The following RILPL1 variants were observed in gnomAD, a reference collection of about 807,000 sequenced individuals.
The protein encoded by RILPL1 is RILP-like protein 1.
A neutral mutation model predicts 50.3 loss-of-function variants in RILPL1; 33 were observed. The observed-to-expected ratio is 0.66, with a 90% CI of 0.50 to 0.88. The LOEUF (loss-of-function observed/expected upper bound fraction) is 0.88. Ranked by LOEUF, RILPL1 falls within the 40% of genes least tolerant of loss-of-function variation. The pLI is 0.00. For synonymous variants in RILPL1, 205 were observed against 228.6 expected (o/e 0.90, Z 0.93); for missense variants, 418 against 542.5 (o/e 0.77, Z 2.28).
chr12:123,490,291 G>A, intron 4 of RILPL1, among the ~76,000 whole-genome samples: 1 of 152,096 alleles, frequency 6.6e-6, no homozygotes, highest in East Asian at 1.9e-4. Context: ...TCTGGGCAAA[G>A]CCACCCGCCC....
At chr12:123,529,121 A>T (rs977975892) in intron 1 of RILPL1, among the ~76,000 whole-genome samples, 2 of 152,050 alleles carry the variant, frequency 1.3e-5, no homozygotes, top group Non-Finnish European at 2.9e-5. Flanking sequence ...TTCTGCCTAG[A>T]ATGCCTCTCC....
intron 2 of RILPL1, among the ~76,000 whole-genome samples, chr12:123,500,261 T>C (rs1245748099): frequency 6.9e-6 from 1 of 145,042 alleles, no homozygotes; most frequent in Non-Finnish European, 1.5e-5. Context: ...CTTTTTACAG[T>C]TCCTATGTGT....
intron 4 of RILPL1, among the ~76,000 whole-genome samples, chr12:123,487,857 G>C (rs369525665): frequency 6.6e-6 from 1 of 152,126 alleles, no homozygotes; most frequent in Non-Finnish European, 1.5e-5. Context: ...CGTTTCCCAC[G>C]GCAGCTGCTC....
intron 6 of RILPL1, among the ~76,000 whole-genome samples, chr12:123,477,759 C>T (rs1881693986): frequency 6.6e-6 from 1 of 152,120 alleles, no homozygotes; most frequent in South Asian, 2.1e-4. Context: ...TCCAGGGGCT[C>T]CAAGCAACAC....
chr12:123,490,864 C>T (rs995386046), intron 4 of RILPL1, among the ~76,000 whole-genome samples: 2 of 152,012 alleles, frequency 1.3e-5, no homozygotes, highest in Non-Finnish European at 2.9e-5. Flanking sequence ...GATTCTCCTG[C>T]CTCAGCCTCT....
chr12:123,507,953 G>GA (rs56309765), intron 2 of RILPL1, among the ~76,000 whole-genome samples: 3 of 115,006 alleles, frequency 2.6e-5, no homozygotes, highest in Admixed American at 9.7e-5. Context: ...AAAAAAAAAA[G>GA]AAAAAAAAAA....
chr12:123,488,531 C>T (rs1447435396), intron 4 of RILPL1, among the ~76,000 whole-genome samples: 1 of 152,100 alleles, frequency 6.6e-6, no homozygotes, highest in Non-Finnish European at 1.5e-5. Flanking sequence ...TGAATGTGCC[C>T]TGGACAGGAG....
At chr12:123,504,588 GA>G (rs1257333321) in intron 2 of RILPL1, among the ~76,000 whole-genome samples, 2 of 152,082 alleles carry the variant, frequency 1.3e-5, no homozygotes, top group African/African-American at 4.8e-5. Context: ...CAGTGAACGG[GA>G]ACTGGTTCTT....
intron 6 of RILPL1, among the ~76,000 whole-genome samples, chr12:123,483,091 C>A (rs968213579): frequency 1.6e-4 from 24 of 152,228 alleles, no homozygotes; most frequent in African/African-American, 5.1e-4. Context: ...AACCCACACG[C>A]CCTGTTTTCA....
intron 1 of RILPL1, among the ~76,000 whole-genome samples, chr12:123,528,552 G>C (rs61953541): frequency 0.17 from 26,146 of 150,748 alleles, 2,412 homozygotes; most frequent in Middle Eastern, 0.24. Context: ...CTCAGCCTCC[G>C]AAGTAGCTGG....
At chr12:123,486,101 G>A (rs897770146) in intron 4 of RILPL1, among the ~76,000 whole-genome samples, 22 of 152,158 alleles carry the variant, frequency 1.4e-4, no homozygotes, top group African/African-American at 4.8e-4. Flanking sequence ...CCAGGGAGGA[G>A]CTGTCACACC....
chr12:123,489,058 A>T lies in RILPL1; in HGVS notation c.802-3253T>A, dbSNP rs900998110. ...AACAGGTGACGGATATGCGGCCGGC[A>T]TTCAATCGCGCCAGTTCTCCTCTTT... On this transcript the variant is annotated intron_variant, in intron 4 of 6. Coordinates refer to ENST00000376874, the MANE Select transcript of RILPL1 (RefSeq NM_178314.5). This position sits in a 1 kb window ranked among gnomAD's most constrained non-coding sequence, Gnocchi z 4.0. Among the ~76,000 whole-genome samples, 2 of 152,116 alleles carry T rather than the reference A, an allele frequency of 1.3e-5. No individual in the cohort carries two copies. Among genetic ancestry groups the T allele is most frequent in the Non-Finnish European group, 2.9e-5 (2 of 68,006 alleles).
At chr12:123,472,771 A>G in intron 6 of RILPL1, 89 bp from the exon 7 acceptor site, 1 of 1,408,632 alleles carries the variant, frequency 7.1e-7, no homozygotes, top group East Asian at 2.5e-5. Context: ...ATATAGCAGC[A>G]AACTTAGAAG....
chr12:123,477,987 CTTTTTTTTTTTTT>C (rs56296800), intron 6 of RILPL1, among the ~76,000 whole-genome samples: 1 of 41,142 alleles, frequency 2.4e-5, no homozygotes, highest in Admixed American at 4.0e-4. Flanking sequence ...ATCTGTATGT[CTTTTTTTTTTTTT>C]TTTTTTTTTT....
rs1380535254 is a variant in RILPL1 at position 123,491,900 on chromosome 12, G to A, written c.802-6095C>T. 2.6e-5 allele frequency among the ~76,000 whole-genome samples: 4 copies of A among 152,096 alleles called. No homozygotes were observed. Among genetic ancestry groups the A allele is most frequent in the Admixed American group, 1.3e-4 (2 of 15,262 alleles). Reference sequence around the variant, plus strand: ...CGCACACCTGTAATCCCAGCTACTCGGGAGGCTGAGGCACAAGAATTGCTT... The same window carrying A: ...CGCACACCTGTAATCCCAGCTACTCAGGAGGCTGAGGCACAAGAATTGCTT... On this transcript the variant is annotated intron_variant, in intron 4 of 6. Coordinates refer to ENST00000376874, the MANE Select transcript of RILPL1 (RefSeq NM_178314.5). This position sits in a 1 kb window ranked among gnomAD's most constrained non-coding sequence, Gnocchi z 4.0.
At chr12:123,480,370 G>A (rs1011618027) in intron 6 of RILPL1, among the ~76,000 whole-genome samples, 19 of 151,756 alleles carry the variant, frequency 1.3e-4, no homozygotes, top group Non-Finnish European at 2.8e-4. Context: ...CACCATGTAG[G>A]CCACACTGGT....
intron 4 of RILPL1, among the ~76,000 whole-genome samples, chr12:123,488,326 A>G (rs527431694): frequency 3.0e-5 from 4 of 133,332 alleles, no homozygotes; most frequent in Non-Finnish European, 4.7e-5. Flanking sequence ...CTGTAGTCCC[A>G]GTTACATAGG....
At chr12:123,499,302 C>G (rs1374685333) in intron 3 of RILPL1, 116 bp downstream of exon 3, 2 of 706,040 alleles carry the variant, frequency 2.8e-6, no homozygotes, top group Non-Finnish European at 5.0e-6. Context: ...CCACACCCCA[C>G]GGAGCCCCAA....
intron 1 of RILPL1, among the ~76,000 whole-genome samples, chr12:123,530,386 G>C (rs972938904): frequency 6.6e-6 from 1 of 152,164 alleles, no homozygotes; most frequent in Non-Finnish European, 1.5e-5. Context: ...AGCTGGTCTT[G>C]AATTCCTGAC....
Sources: allele counts gnomAD v4.1 joint callset (sites outside exome capture counted in the v4.1 genomes callset), GRCh38; gene constraint gnomAD v4.1.1; non-coding constraint Gnocchi (gnomAD v3.1); transcripts MANE v1.5; gene names NCBI Gene and HGNC (gene_info 2026-07-23, HGNC 2026-07-21).